The following BMP6 variants were observed in gnomAD, a reference collection of about 807,000 sequenced individuals.
The protein encoded by BMP6 is bone morphogenetic protein 6, also known as VG-1-R.
BMP6 carries 17 observed loss-of-function variants against 54.1 expected under a neutral mutation model. The observed-to-expected ratio is 0.31, with a 90% confidence interval of 0.22 to 0.47. The LOEUF is 0.47. Among genes scored for constraint, BMP6 ranks in the 20% least tolerant of loss-of-function variants. The pLI is 1.00. For missense variants in BMP6, 720 were observed against 690.4 expected, an observed-to-expected ratio of 1.04 and a Z score of -0.48; for synonymous variants, 328 against 291.2, an observed-to-expected ratio of 1.13 and a Z score of -1.28.
At chr6:7,727,767 C>G in intron 1 of BMP6, 148 bp downstream of exon 1, 1 of 1,018,548 alleles carries the variant, frequency 9.8e-7, no homozygotes, top group Non-Finnish European at 1.3e-6. Context: ...AGGCTGTGCT[C>G]CCGCCACCTG....
At chr6:7,819,941 T>C (rs1758582509) in intron 1 of BMP6, among the ~76,000 whole-genome samples, 1 of 152,246 alleles carries the variant, frequency 6.6e-6, no homozygotes, top group Non-Finnish European at 1.5e-5. Flanking sequence ...TAACAACTTC[T>C]TTAAGAAATA....
At chr6:7,816,734 GTGAT>G (rs1244938296) in intron 1 of BMP6, among the ~76,000 whole-genome samples, 1 of 152,004 alleles carries the variant, frequency 6.6e-6, no homozygotes, top group Non-Finnish European at 1.5e-5. Context: ...TGTTTTGGTA[GTGAT>G]TGTTTTTTCT....
At chr6:7,842,541 G>A (rs35779195) in intron 1 of BMP6, among the ~76,000 whole-genome samples, 10,392 of 152,224 alleles carry the variant, frequency 0.068, 545 homozygotes, top group African/African-American at 0.15. Context: ...AGAAGTCTAA[G>A]TGGAAGGAAG....
chr6:7,875,369 T>TA (rs1191158717), intron 4 of BMP6, among the ~76,000 whole-genome samples: 2 of 152,172 alleles, frequency 1.3e-5, no homozygotes, highest in Admixed American at 1.3e-4. Flanking sequence ...CCTTCACAGA[T>TA]ACACCCCAAA....
chr6:7,832,093 A>G (rs973468860), intron 1 of BMP6, among the ~76,000 whole-genome samples: 1 of 152,138 alleles, frequency 6.6e-6, no homozygotes, highest in Non-Finnish European at 1.5e-5. Flanking sequence ...GATGCTGAAG[A>G]TCTTCATGGG....
rs538784799 is a variant in BMP6, at chr6:7,827,507, C to T, written c.665-17633C>T. Among the ~76,000 whole-genome samples, 4 of 152,300 alleles carry T rather than the reference C, an allele frequency of 2.6e-5. No homozygotes were observed. The East Asian group carries it at 7.7e-4, about 29-fold the overall frequency. Reference sequence around the variant, plus strand: ...TCCTTGTGGCTCCCCCTTCCCTTCCCTCAGATATATACTTGGATAAGAATT... The same window carrying T: ...TCCTTGTGGCTCCCCCTTCCCTTCCTTCAGATATATACTTGGATAAGAATT... On this transcript the variant is annotated intron_variant, in intron 1 of 6. Coordinates refer to ENST00000283147, the MANE Select transcript of BMP6 (RefSeq NM_001718.6).
At chr6:7,813,109 ATATAT>A (rs1313003574) in intron 1 of BMP6, among the ~76,000 whole-genome samples, 26 of 15,748 alleles carry the variant, frequency 1.7e-3, no homozygotes, top group South Asian at 4.7e-3. Flanking sequence ...AAAAAAAAAA[ATATAT>A]ATATATATAT....
At chr6:7,752,362 T>C (rs1470081738) in intron 1 of BMP6, among the ~76,000 whole-genome samples, 2 of 152,176 alleles carry the variant, frequency 1.3e-5, no homozygotes, top group Non-Finnish European at 2.9e-5. Flanking sequence ...AACTCTTAAT[T>C]CCAGGTGGGT....
At chr6:7,828,898 A>ACG (rs940946246) in intron 1 of BMP6, among the ~76,000 whole-genome samples, 3 of 152,304 alleles carry the variant, frequency 2.0e-5, no homozygotes, top group Admixed American at 6.5e-5. Context: ...TGGGCCCATC[A>ACG]CGCGGACCAG....
At chr6:7,788,763 C>A (rs1561771955) in intron 1 of BMP6, among the ~76,000 whole-genome samples, 1 of 151,980 alleles carries the variant, frequency 6.6e-6, no homozygotes, top group Non-Finnish European at 1.5e-5. Context: ...TTCAAATAAT[C>A]ATCTTGCTTC....
At chr6:7,804,803 C>G (rs946661917) in intron 1 of BMP6, among the ~76,000 whole-genome samples, 1 of 152,110 alleles carries the variant, frequency 6.6e-6, no homozygotes, top group African/African-American at 2.4e-5. Flanking sequence ...TATAGACTAC[C>G]TTCTGTACTG....
chr6:7,812,547 G>A (rs1758450407), intron 1 of BMP6, among the ~76,000 whole-genome samples: 1 of 152,012 alleles, frequency 6.6e-6, no homozygotes, highest in Non-Finnish European at 1.5e-5. Context: ...GATATTAGAT[G>A]ACATAAAATT....
chr6:7,757,150 C>A (rs1020088721), intron 1 of BMP6, among the ~76,000 whole-genome samples: 1 of 152,232 alleles, frequency 6.6e-6, no homozygotes, highest in Non-Finnish European at 1.5e-5. Context: ...TGGGCTGCCA[C>A]GTAAACATAT....
intron 1 of BMP6, among the ~76,000 whole-genome samples, chr6:7,738,439 C>G (rs913727083): frequency 6.6e-6 from 1 of 152,206 alleles, no homozygotes; most frequent in African/African-American, 2.4e-5. Flanking sequence ...CTTGGCTCTC[C>G]TCCCTCCTTC....
chr6:7,827,889 G>C (rs758690742), intron 1 of BMP6, among the ~76,000 whole-genome samples: 2 of 152,178 alleles, frequency 1.3e-5, no homozygotes, highest in African/African-American at 4.8e-5. Flanking sequence ...GTAGATTGGC[G>C]TCAATTTGGG....
chr6:7,880,600 A>G lies in BMP6; in HGVS notation c.*257A>G. ...CATAAGGTCTGGTAACTGCAGAAACATAACCGTGAAGCTCTTCCTACCCTC... is the reference window on the plus strand; with the variant it reads ...CATAAGGTCTGGTAACTGCAGAAACGTAACCGTGAAGCTCTTCCTACCCTC... On this transcript the variant is annotated 3_prime_UTR_variant, in exon 7 of 7. Transcript: ENST00000283147. 8.0e-6 allele frequency: 4 copies of G among 502,886 alleles called. No individual in the cohort carries two copies. The highest frequency in any genetic ancestry group is 1.4e-5 in the Non-Finnish European group (4 of 282,926). The allele number at this position is 502,886 out of a possible 1,614,324, so 31.2% of individuals were successfully genotyped here. A position where few individuals can be genotyped will look rare whatever the true frequency, so the allele number is the denominator to read the frequency against.
chr6:7,750,498 TCA>T (rs1181769102), intron 1 of BMP6, among the ~76,000 whole-genome samples: 2 of 152,236 alleles, frequency 1.3e-5, no homozygotes, highest in East Asian at 3.9e-4. Flanking sequence ...CTTAACATTC[TCA>T]CAGTGACTTT....
chr6:7,770,005 T>TAGTC (rs2113153582), intron 1 of BMP6, among the ~76,000 whole-genome samples: 1 of 152,282 alleles, frequency 6.6e-6, no homozygotes, highest in East Asian at 1.9e-4. Flanking sequence ...TCTTTGGATG[T>TAGTC]AGTCAGATGA....
intron 1 of BMP6, among the ~76,000 whole-genome samples, chr6:7,761,852 G>A (rs1180880416): frequency 4.6e-5 from 7 of 152,084 alleles, no homozygotes; most frequent in Non-Finnish European, 7.4e-5. Flanking sequence ...CCACTTGTCC[G>A]TAACTTCCTT....
Sources: gnomAD v4.1 joint callset for allele counts (sites outside exome capture counted in the v4.1 genomes callset) on GRCh38, gnomAD v4.1.1 for gene constraint, MANE v1.5 for transcripts, NCBI Gene and HGNC (gene_info 2026-07-23, HGNC 2026-07-21) for gene names.